ARSG: variants seen among roughly 807,000 people sequenced by gnomAD.
ARSG encodes the protein ASG.
ARSG carries 37 observed loss-of-function variants against 50.5 expected under a neutral mutation model. The observed-to-expected ratio is 0.73, with a 90% CI of 0.56 to 0.96. The LOEUF is 0.96. ARSG is among the 50% of genes least tolerant of loss of function. The pLI is 0.00. For synonymous variants in ARSG, 225 were observed against 254.6 expected, an observed-to-expected ratio of 0.88 and a Z score of 1.11; for missense variants, 629 against 675.3, an observed-to-expected ratio of 0.93 and a Z score of 0.76.
chr17:68,384,757 G>A (rs1188728229), intron 8 of ARSG, among the ~76,000 whole-genome samples: 1 of 152,068 alleles, frequency 6.6e-6, no homozygotes, highest in East Asian at 1.9e-4. Context: ...TCATGGTGTT[G>A]AGACACAAAA....
intron 1 of ARSG, chr17:68,274,307 A>C (rs1218441574): frequency 8.3e-6 from 3 of 361,580 alleles, no homozygotes; most frequent in Non-Finnish European, 1.6e-5. Context: ...CTCTACAAAA[A>C]ATACAAAAAT....
At chr17:68,412,241 T>C (rs1335759487) in intron 11 of ARSG, among the ~76,000 whole-genome samples, 1 of 152,268 alleles carries the variant, frequency 6.6e-6, no homozygotes, top group East Asian at 1.9e-4. Context: ...TTTGGCATGA[T>C]TTTGCAGTGG....
intron 5 of ARSG, among the ~76,000 whole-genome samples, chr17:68,354,536 G>T (rs770609503): frequency 1.3e-5 from 2 of 152,042 alleles, no homozygotes; most frequent in African/African-American, 2.4e-5. Flanking sequence ...ATAATAAAAA[G>T]CTGAAAAATT....
chr17:68,367,036 C>A lies in ARSG; in HGVS notation c.705-1512C>A, dbSNP rs2079580474. ...ATTATTTCACTTAGCATAATATTTT[C>A]CGGGTCCACCCATGTGCTAGCGTGT... On this transcript the variant is annotated intron_variant, in intron 6 of 11. Coordinates refer to ENST00000621439, the MANE Select transcript of ARSG (RefSeq NM_001267727.2). The surrounding 1 kb of genome is among the most constrained non-coding windows in gnomAD (Gnocchi z 4.5). Among the ~76,000 whole-genome samples, 1 of 152,144 alleles carries A rather than the reference C, an allele frequency of 6.6e-6. No homozygotes were observed. The highest frequency in any genetic ancestry group is 2.1e-4 in the South Asian group (1 of 4,832).
the ARSG span, among the ~76,000 whole-genome samples, chr17:68,429,247 A>G: frequency 2.0e-5 from 3 of 152,196 alleles, no homozygotes; most frequent in African/African-American, 7.2e-5. Context: ...TCCCTCTGAC[A>G]TGTGTCTCTG....
downstream of ARSG, among the ~76,000 whole-genome samples, chr17:68,425,356 A>C: frequency 6.7e-6 from 1 of 148,922 alleles, no homozygotes; most frequent in Non-Finnish European, 1.5e-5. Flanking sequence ...GGCACGTGAC[A>C]CCACACCCGG....
At chr17:68,317,430 G>T (rs2077108800) in intron 2 of ARSG, among the ~76,000 whole-genome samples, 1 of 151,710 alleles carries the variant, frequency 6.6e-6, no homozygotes, top group African/African-American at 2.4e-5. Flanking sequence ...CTAGCTCAAA[G>T]ATTGACTACA....
At chr17:68,268,816 A>G (rs1186500115) in intron 1 of ARSG, 10 of 430,586 alleles carry the variant, frequency 2.3e-5, no homozygotes, top group Admixed American at 4.0e-5. Flanking sequence ...GTCTTTCTAC[A>G]TATCTCTTGT....
chr17:68,387,078 ATCACACAC>A (rs1405359011), intron 9 of ARSG, among the ~76,000 whole-genome samples: 2 of 70,088 alleles, frequency 2.9e-5, no homozygotes, highest in Non-Finnish European at 5.0e-5. Context: ...TATATAGTGT[ATCACACAC>A]ACACACACAC....
the ARSG span, among the ~76,000 whole-genome samples, chr17:68,431,361 G>A: frequency 3.9e-5 from 6 of 152,040 alleles, no homozygotes; most frequent in African/African-American, 1.4e-4. Flanking sequence ...AGGATGCTGG[G>A]GACTGAGCAT....
At chr17:68,299,319 G>A (rs2076327702) in intron 1 of ARSG, among the ~76,000 whole-genome samples, 1 of 151,922 alleles carries the variant, frequency 6.6e-6, no homozygotes, top group Non-Finnish European at 1.5e-5. Context: ...TGACCAGGCT[G>A]GTCTCGAACT....
intron 1 of ARSG, chr17:68,274,067 G>A (rs1555750107): frequency 1.2e-6 from 2 of 1,611,822 alleles, no homozygotes; most frequent in Non-Finnish European, 1.7e-6. Context: ...TGTGGCGAGG[G>A]GAGCTGCCGG....
At chr17:68,324,275 T>C (rs2077413700) in intron 2 of ARSG, among the ~76,000 whole-genome samples, 3 of 152,154 alleles carry the variant, frequency 2.0e-5, no homozygotes, top group Admixed American at 1.3e-4. Context: ...TTCTGGTTCC[T>C]GTACCCATCC....
At chr17:68,434,702 G>A in the ARSG span, 1 of 1,471,444 alleles carries the variant, frequency 6.8e-7, no homozygotes, top group Admixed American at 2.0e-5. Context: ...AGAGGAGTTT[G>A]TTTTATTGGT....
intron 11 of ARSG, among the ~76,000 whole-genome samples, chr17:68,412,376 A>C (rs2082057505): frequency 6.6e-6 from 1 of 152,038 alleles, no homozygotes; most frequent in South Asian, 2.1e-4. Context: ...TCCTTCACTT[A>C]TGAAGCTTAG....
intron 1 of ARSG, among the ~76,000 whole-genome samples, chr17:68,266,534 A>G (rs1555746504): frequency 2.0e-5 from 3 of 150,026 alleles, no homozygotes; most frequent in African/African-American, 7.3e-5. Context: ...TTTAGGCTGC[A>G]CATGATGGCT....
chr17:68,304,781 C>T (rs962092129), intron 1 of ARSG, among the ~76,000 whole-genome samples: 7 of 152,340 alleles, frequency 4.6e-5, no homozygotes, highest in Admixed American at 2.0e-4. Context: ...CCTTCCGCCT[C>T]GGCCTCCCAA....
At chr17:68,370,637 A>T in intron 8 of ARSG, 113 bp downstream of exon 8, 1 of 891,318 alleles carries the variant, frequency 1.1e-6, no homozygotes. Context: ...TAGGGTCATC[A>T]TTGTGAAACA....
At chr17:68,337,935 CA>C (rs1459119279) in intron 2 of ARSG, among the ~76,000 whole-genome samples, 1 of 152,020 alleles carries the variant, frequency 6.6e-6, no homozygotes, top group Non-Finnish European at 1.5e-5. Flanking sequence ...CTCTTCTTTC[CA>C]AAAGCATACA....
Sources: gnomAD v4.1 joint callset for allele counts (sites outside exome capture counted in the v4.1 genomes callset) on GRCh38, gnomAD v4.1.1 for gene constraint, Gnocchi (gnomAD v3.1) non-coding constraint, MANE v1.5 for transcripts, NCBI Gene and HGNC (gene_info 2026-07-23, HGNC 2026-07-21) for gene names.